CTNNA3: variants seen among roughly 807,000 people sequenced by gnomAD.
The protein encoded by CTNNA3 is catenin alpha-3.
In CTNNA3, 76 loss-of-function variants were observed where a neutral mutation model predicts 95.7. The ratio of observed to expected loss-of-function variants is 0.79; its 90% CI spans 0.66 to 0.96. The LOEUF is 0.96. CTNNA3 is among the 40% of genes least tolerant of loss of function. CTNNA3 has a pLI of 0.00. For synonymous variants in CTNNA3, 431 were observed against 374.4 expected (o/e 1.15, Z -1.74); for missense variants, 1,191 against 1,089.8 (o/e 1.09, Z -1.31).
intron 7 of CTNNA3, among the ~76,000 whole-genome samples, chr10:66,870,447 T>C (rs1305834069): frequency 2.0e-5 from 3 of 152,166 alleles, no homozygotes; most frequent in Admixed American, 6.6e-5. Context: ...CTTTGTCCTA[T>C]GAGAAAAACA....
At chr10:67,123,166 C>G (rs1859548988) in intron 7 of CTNNA3, among the ~76,000 whole-genome samples, 1 of 152,032 alleles carries the variant, frequency 6.6e-6, no homozygotes, top group African/African-American at 2.4e-5. Context: ...TCTGATGAAC[C>G]AAGTATAGAG....
chr10:67,639,874 T>C (rs532720747), intron 2 of CTNNA3, among the ~76,000 whole-genome samples: 1 of 152,274 alleles, frequency 6.6e-6, no homozygotes, highest in African/African-American at 2.4e-5. Context: ...ATAAGAGCTA[T>C]TTATGACCAA....
intron 11 of CTNNA3, among the ~76,000 whole-genome samples, chr10:66,428,906 A>G (rs1484184612): frequency 6.6e-6 from 1 of 152,066 alleles, no homozygotes; most frequent in Non-Finnish European, 1.5e-5. Flanking sequence ...CTAAGATCAG[A>G]GCAGAACTGA....
At chr10:67,458,259 C>T (rs1400110701) in intron 5 of CTNNA3, among the ~76,000 whole-genome samples, 2 of 152,056 alleles carry the variant, frequency 1.3e-5, no homozygotes, top group Non-Finnish European at 2.9e-5. Flanking sequence ...TCCAGCAGAG[C>T]TTCCATACTG....
At chr10:66,919,629 C>A (rs186912459) in intron 7 of CTNNA3, among the ~76,000 whole-genome samples, 28 of 152,224 alleles carry the variant, frequency 1.8e-4, no homozygotes, top group Non-Finnish European at 5.9e-5. Flanking sequence ...ATGGTCAGAC[C>A]TGGAATATTC....
In CTNNA3 at chr10:66,663,267, G is replaced by A. The variant is rs908403788; in HGVS notation, c.1282-41483C>T. ...ACAATGTCCTTACAATGGCCTAAAA[G>A]CTGGCCCCTCCCCAGTCATGACCAT... On this transcript the variant is annotated intron_variant, in intron 9 of 17. Transcript: ENST00000433211. 2.6e-5 allele frequency among the ~76,000 whole-genome samples: 4 copies of A among 151,760 alleles called. No homozygotes were observed. In the East Asian group the frequency reaches 5.8e-4, roughly 22 times the overall value.
intron 7 of CTNNA3, among the ~76,000 whole-genome samples, chr10:67,017,108 A>G (rs1023936611): frequency 5.4e-4 from 83 of 152,346 alleles, no homozygotes; most frequent in African/African-American, 1.9e-3. Context: ...ATTGTATAAT[A>G]AAATAGATGT....
intron 11 of CTNNA3, among the ~76,000 whole-genome samples, chr10:66,435,819 G>A (rs562158489): frequency 3.3e-5 from 5 of 152,274 alleles, no homozygotes; most frequent in African/African-American, 1.2e-4. Flanking sequence ...GGCACTTAGT[G>A]CTATAAATTT....
chr10:66,042,272 A>G (rs1011226767), intron 15 of CTNNA3, among the ~76,000 whole-genome samples: 6 of 152,138 alleles, frequency 3.9e-5, no homozygotes, highest in African/African-American at 1.4e-4. Context: ...TGAACTTTCT[A>G]TATTTTTAAA....
chr10:67,327,837 G>C (rs1296498985), intron 5 of CTNNA3, among the ~76,000 whole-genome samples: 1 of 152,216 alleles, frequency 6.6e-6, no homozygotes, highest in Non-Finnish European at 1.5e-5. Flanking sequence ...CTCCGCTGGT[G>C]ACTGTGTGTG....
intron 12 of CTNNA3, among the ~76,000 whole-genome samples, chr10:66,372,632 C>T (rs965796034): frequency 6.6e-6 from 1 of 152,146 alleles, no homozygotes; most frequent in Admixed American, 6.6e-5. Context: ...GAAGAAATAC[C>T]TGAGACTGGC....
At chr10:66,069,575 A>C (rs2080388078) in intron 14 of CTNNA3, 86 bp from the exon 15 acceptor site, 1 of 1,016,876 alleles carries the variant, frequency 9.8e-7, no homozygotes, top group African/African-American at 1.6e-5. Flanking sequence ...GATACTCATA[A>C]AACTTGTTCA....
intron 1 of CTNNA3, among the ~76,000 whole-genome samples, chr10:67,655,075 T>C (rs1375204834): frequency 2.0e-5 from 3 of 152,258 alleles, no homozygotes; most frequent in Non-Finnish European, 4.4e-5. Flanking sequence ...TTTCTCCTGA[T>C]AAGTACTATA....
chr10:67,022,436 T>C (rs778001402), intron 7 of CTNNA3, among the ~76,000 whole-genome samples: 1 of 152,058 alleles, frequency 6.6e-6, no homozygotes, highest in African/African-American at 2.4e-5. Context: ...ATCATAGAAG[T>C]TGGCTACTCC....
chr10:66,847,729 T>G (rs951803573), intron 7 of CTNNA3, among the ~76,000 whole-genome samples: 7 of 152,164 alleles, frequency 4.6e-5, no homozygotes, highest in Admixed American at 2.6e-4. Flanking sequence ...ATATAAAAAG[T>G]GCTCAGTACA....
At position 66,897,231 on chromosome 10, in the gene CTNNA3, T is replaced by C. The variant is rs570478584; in HGVS notation, c.1048-121707A>G. 2.0e-5 allele frequency among the ~76,000 whole-genome samples: 3 copies of C among 152,208 alleles called. No individual in the cohort carries two copies. In the South Asian group the frequency reaches 6.2e-4, roughly 32 times the overall value. ...TAAGCATATACAGTATGCTACCTTTTATATATATAGGAAAATATAAAGATG... is the reference window on the plus strand; with the variant it reads ...TAAGCATATACAGTATGCTACCTTTCATATATATAGGAAAATATAAAGATG... On this transcript the variant is annotated intron_variant, in intron 7 of 17. Coordinates refer to ENST00000433211, the MANE Select transcript of CTNNA3 (RefSeq NM_013266.4).
At position 66,005,549 on chromosome 10, in the gene CTNNA3, T is replaced by C. The variant is rs139952887; in HGVS notation, c.2160-16752A>G. ...TCGAAGGTGGGTGGCCTGGAAAAAT[T>C]TGGAGACCTGAGAGAACCAGAATTA... On this transcript the variant is annotated intron_variant, in intron 15 of 17. Transcript: ENST00000433211. 2.9e-3 allele frequency among the ~76,000 whole-genome samples: 437 copies of C among 152,228 alleles called. 2 individuals are homozygous for C. The highest frequency in any genetic ancestry group is 0.01 in the African/African-American group (421 of 41,552).
intron 5 of CTNNA3, among the ~76,000 whole-genome samples, chr10:67,306,611 C>T (rs146269951): frequency 2.6e-5 from 4 of 152,058 alleles, no homozygotes; most frequent in East Asian, 3.9e-4. Flanking sequence ...AATGAGTGGC[C>T]GGAAAAAGAG....
intron 5 of CTNNA3, among the ~76,000 whole-genome samples, chr10:67,409,276 G>C (rs897258881): frequency 6.6e-6 from 1 of 151,944 alleles, no homozygotes; most frequent in Admixed American, 6.6e-5. Context: ...CTATAAAGAC[G>C]CATGCACACG....
Sources: allele counts gnomAD v4.1 joint callset (sites outside exome capture counted in the v4.1 genomes callset), GRCh38; gene constraint gnomAD v4.1.1; transcripts MANE v1.5; gene names NCBI Gene and HGNC (gene_info 2026-07-23, HGNC 2026-07-21).